The following NPAS3 variants were observed in gnomAD, a reference collection of about 807,000 sequenced individuals.
NPAS3 encodes neuronal PAS domain-containing protein 3.
NPAS3 carries 14 observed loss-of-function variants against 73.1 expected under a neutral mutation model. The observed-to-expected ratio is 0.19, with a 90% CI of 0.13 to 0.30. NPAS3 has a LOEUF of 0.30. Ranked by LOEUF, NPAS3 falls within the 10% of genes least tolerant of loss-of-function variation. The pLI is 1.00. For missense variants in NPAS3, 1,096 were observed against 1,250.0 expected (o/e 0.88, Z 1.86); for synonymous variants, 620 against 541.5 (o/e 1.14, Z -2.01).
chr14:33,801,041 A>G (rs2063700693), exon 12 of NPAS3: 1 of 1,593,154 alleles, frequency 6.3e-7, no homozygotes, highest in South Asian at 1.1e-5. Flanking sequence ...ACTCTTCTCC[A>G]CGCTGCCCTT....
intron 4 of NPAS3, among the ~76,000 whole-genome samples, chr14:33,380,343 T>C (rs78775090): frequency 0.014 from 2,143 of 152,162 alleles, 25 homozygotes; most frequent in South Asian, 0.057. Context: ...GTAGGGATCC[T>C]GCTTGGGGGA....
chr14:33,348,969 G>A (rs766093156), intron 3 of NPAS3, among the ~76,000 whole-genome samples: 3 of 152,112 alleles, frequency 2.0e-5, no homozygotes, highest in African/African-American at 7.2e-5. Flanking sequence ...TTTTGCCCTT[G>A]CCAGGGTCCT....
chr14:32,941,440 T>C (rs2036012078), intron 1 of NPAS3, among the ~76,000 whole-genome samples: 1 of 150,046 alleles, frequency 6.7e-6, no homozygotes, highest in African/African-American at 2.5e-5. Context: ...ATTTTAGGAA[T>C]TTCTCTGAGA....
intron 4 of NPAS3, among the ~76,000 whole-genome samples, chr14:33,453,915 C>G (rs1464745654): frequency 6.6e-6 from 1 of 152,214 alleles, no homozygotes; most frequent in African/African-American, 2.4e-5. Context: ...GTCTCAAACT[C>G]CTGACCTCAA....
intron 4 of NPAS3, among the ~76,000 whole-genome samples, chr14:33,436,328 T>C (rs2048989192): frequency 6.6e-6 from 1 of 152,218 alleles, no homozygotes; most frequent in African/African-American, 2.4e-5. Context: ...ACATGGATTT[T>C]TAAAAATTTA....
intron 3 of NPAS3, among the ~76,000 whole-genome samples, chr14:33,356,790 A>T (rs2045356177): frequency 6.6e-6 from 1 of 152,256 alleles, no homozygotes; most frequent in South Asian, 2.1e-4. Flanking sequence ...TTGCTTAAAC[A>T]GCCCTGTTAT....
At chr14:33,458,843 G>A (rs558708698) in intron 4 of NPAS3, among the ~76,000 whole-genome samples, 1 of 152,208 alleles carries the variant, frequency 6.6e-6, no homozygotes, top group South Asian at 2.1e-4. Context: ...ACAGGAAAGG[G>A]GTCCCGATCC....
At chr14:33,479,300 T>C (rs1038565113) in intron 4 of NPAS3, among the ~76,000 whole-genome samples, 2 of 152,092 alleles carry the variant, frequency 1.3e-5, no homozygotes, top group African/African-American at 2.4e-5. Context: ...TAAATATATA[T>C]GCTTTGCCAC....
At chr14:32,975,765 C>CAAAA (rs951228817) in intron 1 of NPAS3, among the ~76,000 whole-genome samples, 1 of 151,800 alleles carries the variant, frequency 6.6e-6, no homozygotes, top group Admixed American at 6.6e-5. Flanking sequence ...CAAAACAAAA[C>CAAAA]AACAGCAACA....
chr14:33,122,489 AATTG>A (rs1430689734), intron 2 of NPAS3, among the ~76,000 whole-genome samples: 1 of 152,096 alleles, frequency 6.6e-6, no homozygotes, highest in Non-Finnish European at 1.5e-5. Context: ...ACTTATTTTT[AATTG>A]ATTGATATTT....
chr14:33,683,610 A>G (rs1460313039), intron 6 of NPAS3, among the ~76,000 whole-genome samples: 12 of 152,164 alleles, frequency 7.9e-5, no homozygotes, highest in Admixed American at 7.2e-4. Context: ...CATCTGCACT[A>G]AACAGCAGAC....
At chr14:33,283,188 G>C (rs2041700168) in intron 3 of NPAS3, among the ~76,000 whole-genome samples, 1 of 152,180 alleles carries the variant, frequency 6.6e-6, no homozygotes, top group African/African-American at 2.4e-5. Context: ...TGATTAAATA[G>C]AGAGCCAGAG....
chr14:33,286,540 C>T (rs1243476111), intron 3 of NPAS3, among the ~76,000 whole-genome samples: 6 of 152,158 alleles, frequency 3.9e-5, no homozygotes, highest in South Asian at 2.1e-4. Context: ...TTATTGAATG[C>T]GGGTAGTTAT....
intron 3 of NPAS3, among the ~76,000 whole-genome samples, chr14:33,255,869 A>G (rs865863481): frequency 2.0e-5 from 3 of 152,324 alleles, no homozygotes; most frequent in Middle Eastern, 3.4e-3. Context: ...TATGGTTTAC[A>G]AAGGTTCAGG....
intron 3 of NPAS3, among the ~76,000 whole-genome samples, chr14:33,249,151 T>C (rs2048489007): frequency 6.6e-6 from 1 of 152,114 alleles, no homozygotes; most frequent in Non-Finnish European, 1.5e-5. Context: ...TTTTCGAAGA[T>C]TAGAACAGTA....
At chr14:33,355,468 T>C (rs1039100833) in intron 3 of NPAS3, among the ~76,000 whole-genome samples, 17 of 152,088 alleles carry the variant, frequency 1.1e-4, no homozygotes, top group Admixed American at 9.2e-4. Context: ...GCCCGGCTAA[T>C]TTTTGTATTT....
At chr14:33,341,763 G>A (rs751205090) in intron 3 of NPAS3, among the ~76,000 whole-genome samples, 3 of 152,076 alleles carry the variant, frequency 2.0e-5, no homozygotes. Context: ...ATCTTGTGTT[G>A]GTTTGAGAAA....
At chr14:33,333,532 T>G (rs1367364974) in intron 3 of NPAS3, among the ~76,000 whole-genome samples, 2 of 152,198 alleles carry the variant, frequency 1.3e-5, no homozygotes, top group Non-Finnish European at 2.9e-5. Flanking sequence ...GTATTTTGAC[T>G]TATCCTGAGG....
At chr14:33,514,892 T>C (rs1319959707) in intron 4 of NPAS3, among the ~76,000 whole-genome samples, 1 of 152,078 alleles carries the variant, frequency 6.6e-6, no homozygotes, top group Non-Finnish European at 1.5e-5. Context: ...TACTGTAGAA[T>C]AAATTAAGTG....
Sources: allele counts gnomAD v4.1 joint callset (sites outside exome capture counted in the v4.1 genomes callset), GRCh38; gene constraint gnomAD v4.1.1; transcripts MANE v1.5; gene names NCBI Gene and HGNC (gene_info 2026-07-23, HGNC 2026-07-21).